Variants in CTTNBP2 observed in about 807,000 individuals in gnomAD.
CTTNBP2 encodes cortactin binding protein 2.
CTTNBP2 carries 108 observed loss-of-function variants against 156.9 expected under a neutral mutation model. The ratio of observed to expected loss-of-function variants is 0.69; its 90% CI spans 0.59 to 0.81. CTTNBP2 has a LOEUF of 0.81. Among genes scored for constraint, CTTNBP2 ranks in the 30% least tolerant of loss-of-function variants. The probability of loss-of-function intolerance (pLI) is 0.00; values close to 1 mark genes in which losing one functional copy is unlikely to be tolerated. For missense variants in CTTNBP2, 1,924 were observed against 2,035.4 expected (o/e 0.95, Z 1.05); for synonymous variants, 767 against 751.8 (o/e 1.02, Z -0.33).
At chr7:117,756,480 C>T (rs756335189) in intron 12 of CTTNBP2, 75 bp downstream of exon 12, 54 of 1,140,664 alleles carry the variant, frequency 4.7e-5, no homozygotes, top group Non-Finnish European at 7.2e-5. Context: ...CTCCTTTAAA[C>T]ATAAAAATGG....
intron 22 of CTTNBP2, among the ~76,000 whole-genome samples, chr7:117,715,475 T>TAAAAAAAAAAAAA (rs398048025): frequency 3.7e-4 from 43 of 116,352 alleles, no homozygotes; most frequent in African/African-American, 1.4e-3. Flanking sequence ...GCCCTGAAGT[T>TAAAAAAAAAAAAA]AAAAAAAAAA....
chr7:117,760,504 C>A lies in CTTNBP2; in HGVS notation c.3103G>T (p.Val1035Leu). ...GAATCAGTGGTGTTATTGCAAGTCA[C>A]GTCTTCCAGACTCCACCATCCATCA... ...SSDGWWSLEDVTCNNTTDSNI... is the reference protein window; with the variant it reads ...SSDGWWSLEDLTCNNTTDSNI... Residue 1035 changes from valine (V) to leucine (L), a missense_variant, in exon 10 of 23, where the codon GTG becomes TTG. Physicochemically the swap from Val to Leu is conservative, Grantham distance 32 (BLOSUM62 1). Transcript: ENST00000160373. 1 of 1,614,122 alleles carries A rather than the reference C, an allele frequency of 6.2e-7. No homozygotes were observed. The highest frequency in any genetic ancestry group is 8.5e-7 in the Non-Finnish European group (1 of 1,179,984).
intron 1 of CTTNBP2, among the ~76,000 whole-genome samples, chr7:117,869,509 T>C (rs976462249): frequency 2.0e-5 from 3 of 152,232 alleles, no homozygotes; most frequent in African/African-American, 4.8e-5. Context: ...AGGAGGCTGC[T>C]TTCTCCCAGC....
At chr7:117,731,703 T>C (rs1210346964) in intron 16 of CTTNBP2, among the ~76,000 whole-genome samples, 3 of 152,202 alleles carry the variant, frequency 2.0e-5, no homozygotes, top group African/African-American at 7.2e-5. Context: ...AAGAACAGGC[T>C]GAGAAGTTCT....
At chr7:117,844,659 G>A (rs1233911098) in intron 2 of CTTNBP2, among the ~76,000 whole-genome samples, 1 of 152,188 alleles carries the variant, frequency 6.6e-6, no homozygotes, top group Non-Finnish European at 1.5e-5. Context: ...TAAAGGGAAG[G>A]CAGGGTGGAT....
At chr7:117,829,182 G>A (rs866739929) in intron 2 of CTTNBP2, among the ~76,000 whole-genome samples, 3 of 152,290 alleles carry the variant, frequency 2.0e-5, no homozygotes, top group Middle Eastern at 3.4e-3. Context: ...ACATAACAGC[G>A]CTTGTTGGAA....
intron 8 of CTTNBP2, among the ~76,000 whole-genome samples, chr7:117,775,129 A>C (rs1432537334): frequency 6.6e-6 from 1 of 152,208 alleles, no homozygotes; most frequent in African/African-American, 2.4e-5. Context: ...TGGGATTTAA[A>C]TGTCTTAATC....
chr7:117,821,912 T>A (rs528376629), intron 2 of CTTNBP2, among the ~76,000 whole-genome samples: 1 of 152,120 alleles, frequency 6.6e-6, no homozygotes, highest in South Asian at 2.1e-4. Flanking sequence ...TTTACATCTA[T>A]AGTTATGAGT....
intron 8 of CTTNBP2, among the ~76,000 whole-genome samples, chr7:117,768,443 G>C (rs1178650688): frequency 1.3e-5 from 2 of 151,302 alleles, no homozygotes; most frequent in Non-Finnish European, 2.9e-5. Flanking sequence ...GTGGGCGCCT[G>C]TAATCCCAGC....
chr7:117,719,410 T>C, intron 21 of CTTNBP2, 94 bp downstream of exon 21: 3 of 1,190,254 alleles, frequency 2.5e-6, no homozygotes, highest in African/African-American at 1.5e-5. Flanking sequence ...AACCATACTA[T>C]CAATAAGGAA....
In CTTNBP2 at chr7:117,725,092, T is replaced by C. The variant is rs143800569; in HGVS notation, c.4221A>G (p.Leu1407=). The C allele has an allele frequency of 4.9e-4, 783 of 1,612,910 alleles. No homozygotes were observed. The highest frequency in any genetic ancestry group is 6.1e-4 in the Non-Finnish European group (719 of 1,180,032). ...AVVKAALSIL[L]NKAVLHGCPL... is the part of the protein sequence containing the mutation. Reference sequence around the variant, plus strand: ...GACAGCCATGCAGTACAGCTTTATTTAGCAAGATGCTGAGAGCAGCTTTGA... The same window carrying C: ...GACAGCCATGCAGTACAGCTTTATTCAGCAAGATGCTGAGAGCAGCTTTGA... The change falls in exon 18 of 23, where the codon CTA becomes CTG. Residue 1407 remains leucine (L), a synonymous_variant. Coordinates refer to ENST00000160373, the MANE Select transcript of CTTNBP2 (RefSeq NM_033427.3).
intron 4 of CTTNBP2, 30 bp downstream of exon 4, chr7:117,791,098 A>T: frequency 3.9e-6 from 6 of 1,553,208 alleles, no homozygotes; most frequent in African/African-American, 1.4e-5. Flanking sequence ...CATATTCTTT[A>T]AAAAGCGTAT....
At chr7:117,734,105 C>G (rs537317022) in intron 16 of CTTNBP2, among the ~76,000 whole-genome samples, 1 of 152,162 alleles carries the variant, frequency 6.6e-6, no homozygotes, top group Non-Finnish European at 1.5e-5. Flanking sequence ...ACGGGAGGGT[C>G]AACAGACTCC....
At chr7:117,739,127 C>T (rs1037460097) in intron 14 of CTTNBP2, among the ~76,000 whole-genome samples, 1 of 152,188 alleles carries the variant, frequency 6.6e-6, no homozygotes, top group African/African-American at 2.4e-5. Flanking sequence ...CATCTGACCA[C>T]TTAAGTTCCA....
chr7:117,751,495 T>G (rs992869896), intron 12 of CTTNBP2, among the ~76,000 whole-genome samples: 14 of 152,356 alleles, frequency 9.2e-5, no homozygotes, highest in South Asian at 4.1e-4. Context: ...AATTTACTTG[T>G]GACTTTAGAG....
chr7:117,783,702 C>A (rs765146682), intron 5 of CTTNBP2, among the ~76,000 whole-genome samples: 1 of 152,160 alleles, frequency 6.6e-6, no homozygotes, highest in African/African-American at 2.4e-5. Flanking sequence ...TTTGCATTTG[C>A]GGTCAAGTCC....
intron 3 of CTTNBP2, among the ~76,000 whole-genome samples, chr7:117,806,401 T>C (rs1799942749): frequency 6.6e-6 from 1 of 152,180 alleles, no homozygotes; most frequent in African/African-American, 2.4e-5. Flanking sequence ...GCAGAGTGCA[T>C]ATCTGCCACA....
chr7:117,789,251 C>A (rs753808317), intron 4 of CTTNBP2, among the ~76,000 whole-genome samples: 1 of 152,190 alleles, frequency 6.6e-6, no homozygotes, highest in Non-Finnish European at 1.5e-5. Flanking sequence ...GCACATGCAG[C>A]TAAACCCAGG....
chr7:117,802,413 T>A, intron 3 of CTTNBP2, among the ~76,000 whole-genome samples: 1 of 114,028 alleles, frequency 8.8e-6, no homozygotes. Context: ...ATCTAGGAAA[T>A]ACCATTCTAG....
Sources: allele counts gnomAD v4.1 joint callset (sites outside exome capture counted in the v4.1 genomes callset), GRCh38; gene constraint gnomAD v4.1.1; transcripts MANE v1.5; gene names NCBI Gene and HGNC (gene_info 2026-07-23, HGNC 2026-07-21).